MOB4: variants seen among roughly 807,000 people sequenced by gnomAD.
MOB4 encodes MOB-like protein phocein.
In MOB4, 4 loss-of-function variants were observed where a neutral mutation model predicts 32.2. That is an observed-to-expected ratio of 0.12 (90% CI 0.06 to 0.28). The LOEUF is 0.28. MOB4 is among the 10% of genes least tolerant of loss of function. The pLI, the probability that MOB4 is intolerant of heterozygous loss-of-function variation, is 1.00. For missense variants in MOB4, 158 were observed against 271.2 expected (o/e 0.58, Z 2.93); for synonymous variants, 88 against 88.1 (o/e 1.00, Z 0.01).
At chr2:197,538,846 A>G (rs1018940462) in intron 3 of MOB4, among the ~76,000 whole-genome samples, 1 of 152,244 alleles carries the variant, frequency 6.6e-6, no homozygotes, top group African/African-American at 2.4e-5. Context: ...GATAGGGGAC[A>G]GTAGAGGGTG....
At chr2:197,538,191 A>G (rs918018364) in intron 3 of MOB4, among the ~76,000 whole-genome samples, 2 of 150,790 alleles carry the variant, frequency 1.3e-5, no homozygotes, top group East Asian at 2.0e-4. Flanking sequence ...AACTTATTCT[A>G]TGAAACATTA....
At chr2:197,538,041 G>C (rs570494501) in intron 3 of MOB4, among the ~76,000 whole-genome samples, 1 of 152,142 alleles carries the variant, frequency 6.6e-6, no homozygotes, top group Non-Finnish European at 1.5e-5. Flanking sequence ...GCCTCCCAAA[G>C]TGCTGGGATT....
chr2:197,546,839 G>A (rs569981138), intron 5 of MOB4, among the ~76,000 whole-genome samples: 19 of 152,132 alleles, frequency 1.2e-4, no homozygotes, highest in Non-Finnish European at 2.8e-4. Context: ...ATTACTAATA[G>A]CCTACTGTTG....
intron 2 of MOB4, among the ~76,000 whole-genome samples, chr2:197,529,824 C>T (rs191521353): frequency 6.6e-6 from 1 of 150,624 alleles, no homozygotes; most frequent in Admixed American, 6.6e-5. Context: ...CAGCTAATTT[C>T]TGTATATTTA....
rs2087105976 is a variant in MOB4 at position 197,551,981 on chromosome 2, CT to C, written c.*1341del. On this transcript the variant is annotated 3_prime_UTR_variant, in exon 8 of 8. Coordinates refer to ENST00000323303, the MANE Select transcript of MOB4 (RefSeq NM_015387.5). ...GAACAGATTTAACAAACATGAGGAA[CT>C]TTTTTATTTAGAAGGATAATTTTGA... 2.1e-5 allele frequency: 3 copies of C among 139,554 alleles called. No individual in the cohort carries two copies. The highest frequency in any genetic ancestry group is 4.6e-5 in the Non-Finnish European group (3 of 65,054). The allele number at this position is 139,554 out of a possible 1,614,324, so 8.6% of individuals were successfully genotyped here.
chr2:197,550,287 G>A lies in MOB4; in HGVS notation c.447G>A (p.Lys149=), dbSNP rs2087075699. The change falls in exon 7 of 8, where the codon AAG becomes AAA. Residue 149 remains lysine (K), a synonymous_variant. Coordinates refer to ENST00000323303, the MANE Select transcript of MOB4 (RefSeq NM_015387.5). ...TTTCTACTTCTAGGGTTAGCATAAA[G>A]GAATCATCTGTAGCGAAACTAGGAT... The part of the protein sequence containing the change: ...NKYFPSRVSI[K]ESSVAKLGSV... The A allele has an allele frequency of 6.2e-7, 1 of 1,612,604 alleles. No individual in the cohort carries two copies. Among genetic ancestry groups the A allele is most frequent in the Non-Finnish European group, 8.5e-7 (1 of 1,179,820 alleles).
At chr2:197,537,242 C>T (rs191634812) in intron 3 of MOB4, among the ~76,000 whole-genome samples, 194 of 152,182 alleles carry the variant, frequency 1.3e-3, no homozygotes, top group Non-Finnish European at 2.0e-3. Flanking sequence ...GTGGAGATAA[C>T]ATTAAAAGTA....
At position 197,531,705 on chromosome 2, in the gene MOB4, C is replaced by T. The variant is rs571393492; in HGVS notation, c.124-3825C>T. ...CTCAGCCTCCATGTGCCACCATGCCCGGCTAATTTTTGTGTTTTTATTAGA... is the reference window on the plus strand; with the variant it reads ...CTCAGCCTCCATGTGCCACCATGCCTGGCTAATTTTTGTGTTTTTATTAGA... On this transcript the variant is annotated intron_variant, in intron 2 of 7. Transcript: ENST00000323303. 1.2e-3 allele frequency among the ~76,000 whole-genome samples: 180 copies of T among 151,910 alleles called. No homozygotes were observed. The Middle Eastern group carries it at 0.017, about 14-fold the overall frequency.
chr2:197,547,172 G>A (rs2106137870), intron 5 of MOB4, among the ~76,000 whole-genome samples: 1 of 152,024 alleles, frequency 6.6e-6, no homozygotes, highest in East Asian at 1.9e-4. Flanking sequence ...TTGTGTTCAT[G>A]TCGTTGAGTA....
intron 1 of MOB4, among the ~76,000 whole-genome samples, chr2:197,521,242 A>G (rs548576936): frequency 6.6e-6 from 1 of 152,168 alleles, no homozygotes; most frequent in Non-Finnish European, 1.5e-5. Flanking sequence ...GAGACATCAC[A>G]TGTCGGTGGG....
rs1359377869 is a variant in MOB4, at chr2:197,535,527, T to C, written c.124-3T>C. ...TTAACCATAAGAACTTCTTTGTTTT[T>C]AGTATATTCAACAGAACATAAGAGC... On this transcript the variant is annotated splice_polypyrimidine_tract_variant and splice_region_variant and intron_variant, in intron 2 of 7. Coordinates refer to ENST00000323303, the MANE Select transcript of MOB4 (RefSeq NM_015387.5). 6.3e-7 allele frequency: 1 copy of C among 1,586,844 alleles called. No homozygotes were observed. The highest frequency in any genetic ancestry group is 1.9e-5 in the Admixed American group (1 of 51,528).
In MOB4 at chr2:197,545,869, TG is replaced by T. The variant is rs147583448; in HGVS notation, c.355-2466del. ...TTTAGTGGTAATGGTTGCAGAATTT[TG>T]TGAATATACTAGAAACTACTGAATT... is the stretch of plus-strand genomic sequence containing the variant. On this transcript the variant is annotated intron_variant, in intron 5 of 7. Transcript: ENST00000323303. 9.1e-3 allele frequency among the ~76,000 whole-genome samples: 1,393 copies of T among 152,276 alleles called. 27 individuals carry two copies. Among genetic ancestry groups the T allele is most frequent in the African/African-American group, 0.032 (1,325 of 41,546 alleles).
At chr2:197,522,339 T>C (rs2106105856) in intron 1 of MOB4, among the ~76,000 whole-genome samples, 1 of 138,730 alleles carries the variant, frequency 7.2e-6, no homozygotes, top group African/African-American at 2.7e-5. Context: ...TTTTTTTTTT[T>C]TTTTTTTTTG....
chr2:197,542,505 C>G (rs1574649919), intron 5 of MOB4, among the ~76,000 whole-genome samples: 1 of 152,136 alleles, frequency 6.6e-6, no homozygotes, highest in South Asian at 2.1e-4. Flanking sequence ...TAGGGAGATT[C>G]TGAAGTGGGA....
At chr2:197,527,304 GTCT>G (rs1352200520) in intron 2 of MOB4, among the ~76,000 whole-genome samples, 2 of 151,622 alleles carry the variant, frequency 1.3e-5, no homozygotes, top group East Asian at 1.9e-4. Flanking sequence ...ATTTATTTAG[GTCT>G]TCTTTAATTA....
intron 5 of MOB4, among the ~76,000 whole-genome samples, chr2:197,543,111 G>A (rs2086926821): frequency 6.6e-6 from 1 of 152,126 alleles, no homozygotes; most frequent in South Asian, 2.1e-4. Context: ...AGCCAACATG[G>A]TGAAACCCCA....
intron 3 of MOB4, among the ~76,000 whole-genome samples, chr2:197,536,317 C>T (rs539231372): frequency 6.6e-6 from 1 of 152,186 alleles, no homozygotes; most frequent in South Asian, 2.1e-4. Context: ...AATCCTCCCA[C>T]CTCAGCCTCC....
At chr2:197,521,507 G>A (rs1048608101) in intron 1 of MOB4, among the ~76,000 whole-genome samples, 3 of 152,066 alleles carry the variant, frequency 2.0e-5, no homozygotes, top group Non-Finnish European at 4.4e-5. Flanking sequence ...GAGAGCAACC[G>A]GTCTGACCAA....
intron 2 of MOB4, among the ~76,000 whole-genome samples, chr2:197,525,448 C>G (rs984092423): frequency 1.3e-5 from 2 of 151,682 alleles, no homozygotes; most frequent in Non-Finnish European, 2.9e-5. Flanking sequence ...GCATTAAAAA[C>G]CACCCATCTG....
Sources: gnomAD v4.1 joint callset for allele counts (sites outside exome capture counted in the v4.1 genomes callset) on GRCh38, gnomAD v4.1.1 for gene constraint, MANE v1.5 for transcripts, NCBI Gene and HGNC (gene_info 2026-07-23, HGNC 2026-07-21) for gene names.